The following RSPH1 variants were observed in gnomAD, a reference collection of about 807,000 sequenced individuals.
RSPH1 encodes the protein radial spoke head component 1, also known as radial spoke head 1 homolog.
A neutral mutation model predicts 44.2 loss-of-function variants in RSPH1; 32 were observed. The observed-to-expected ratio is 0.72, with a 90% confidence interval of 0.55 to 0.97. The LOEUF (loss-of-function observed/expected upper bound fraction) is 0.97. Among genes scored for constraint, RSPH1 ranks in the 50% least tolerant of loss-of-function variants. The probability of loss-of-function intolerance (pLI) is 0.00; values close to 1 mark genes in which losing one functional copy is unlikely to be tolerated. For synonymous variants in RSPH1, 134 were observed against 147.3 expected (o/e 0.91, Z 0.65); for missense variants, 391 against 398.7 (o/e 0.98, Z 0.16).
At chr21:42,486,776 G>A (rs959551114) in intron 3 of RSPH1, among the ~76,000 whole-genome samples, 1 of 152,166 alleles carries the variant, frequency 6.6e-6, no homozygotes, top group Non-Finnish European at 1.5e-5. Context: ...ACAGAGTGAG[G>A]TGTATGGATG....
intron 8 of RSPH1, 123 bp from the exon 9 acceptor site, chr21:42,472,993 A>G (rs2054008405): frequency 4.6e-6 from 3 of 658,614 alleles, no homozygotes; most frequent in Non-Finnish European, 7.6e-6. Flanking sequence ...TTCATCAGTC[A>G]AAAATTGAAT....
intron 6 of RSPH1, among the ~76,000 whole-genome samples, chr21:42,478,221 A>G (rs1043411716): frequency 3.9e-5 from 6 of 152,274 alleles, no homozygotes; most frequent in African/African-American, 1.4e-4. Flanking sequence ...CACTATGACT[A>G]TGGAACACTT....
chr21:42,485,888 G>C, intron 4 of RSPH1, 84 bp from the exon 5 acceptor site: 1 of 1,551,808 alleles, frequency 6.4e-7, no homozygotes, highest in Non-Finnish European at 8.9e-7. Context: ...TTGACATTGA[G>C]GGAGGCCCAG....
At chr21:42,489,427 GC>G (rs1457096453) in intron 3 of RSPH1, among the ~76,000 whole-genome samples, 4 of 152,218 alleles carry the variant, frequency 2.6e-5, no homozygotes, top group African/African-American at 9.7e-5. Context: ...GGGTCAGTTG[GC>G]TGGTGTGGAG....
chr21:42,489,301 C>T (rs1458582844), intron 3 of RSPH1, among the ~76,000 whole-genome samples: 2 of 147,798 alleles, frequency 1.4e-5, no homozygotes, highest in Admixed American at 6.7e-5. Flanking sequence ...GGCTGGTTGG[C>T]TAATTGGTTG....
At chr21:42,485,955 C>T (rs1309346906) in intron 4 of RSPH1, 151 bp from the exon 5 acceptor site, 3 of 975,456 alleles carry the variant, frequency 3.1e-6, no homozygotes, top group African/African-American at 3.2e-5. Flanking sequence ...TCAGAAGGTG[C>T]CCCTTGCTCA....
chr21:42,475,332 C>T (rs1209577205), intron 8 of RSPH1, among the ~76,000 whole-genome samples: 2 of 152,016 alleles, frequency 1.3e-5, no homozygotes, highest in East Asian at 1.9e-4. Context: ...TTTGGGAGGC[C>T]GAGGCGGGCC....
At position 42,477,357 on chromosome 21, in the gene RSPH1, T is replaced by C. The variant is rs369932767; in HGVS notation, c.661A>G (p.Thr221Ala). 3.1e-6 allele frequency: 5 copies of C among 1,608,838 alleles called. No homozygotes were observed. Among genetic ancestry groups the C allele is most frequent in the South Asian group, 2.2e-5 (2 of 90,900 alleles). ...GTCGGCTTTTTGGGGAGAGTTGGTG[T>C]CCACAGGGCCAATTCAGTGATTTGG... The part of the protein sequence containing the change: ...ATQITELALW[T>A]PTLPKKPTST... Residue 221 changes from threonine (T) to alanine (A), a missense_variant, in exon 7 of 9, where the codon ACA (threonine) becomes GCA (alanine). Coordinates refer to ENST00000291536, the MANE Select transcript of RSPH1 (RefSeq NM_080860.4).
intron 8 of RSPH1, among the ~76,000 whole-genome samples, chr21:42,473,976 C>T (rs970642432): frequency 4.6e-5 from 7 of 152,202 alleles, no homozygotes; most frequent in African/African-American, 1.7e-4. Context: ...CAGTCTCAGA[C>T]GCCCGCTGGT....
chr21:42,489,706 G>A (rs528030490), intron 3 of RSPH1, among the ~76,000 whole-genome samples: 96 of 152,268 alleles, frequency 6.3e-4, no homozygotes, highest in African/African-American at 2.0e-3. Flanking sequence ...ATGTGTAATC[G>A]CTGAAATATG....
At chr21:42,477,879 TTAG>T (rs541775446) in intron 6 of RSPH1, among the ~76,000 whole-genome samples, 14 of 152,238 alleles carry the variant, frequency 9.2e-5, no homozygotes, top group Admixed American at 3.9e-4. Flanking sequence ...TCTATTGAGC[TTAG>T]TAGAAACATA....
At chr21:42,492,903 T>A in intron 2 of RSPH1, 40 bp from the exon 3 acceptor site, 1 of 1,583,890 alleles carries the variant, frequency 6.3e-7, no homozygotes, top group Non-Finnish European at 8.7e-7. Context: ...CATTGCTGAA[T>A]GTAGCATTTG....
Position 42,474,401 on chromosome 21 carries a change from C to T in RSPH1, c.877+1497G>A, listed in dbSNP as rs1003894990. 2.0e-5 allele frequency among the ~76,000 whole-genome samples: 3 copies of T among 151,600 alleles called. No homozygotes were observed. Among genetic ancestry groups the T allele is most frequent in the South Asian group, 2.1e-4 (1 of 4,834 alleles). ...CACCTCTCCTGGGTACATGGTAACA[C>T]GTCCCTGTCACTGCAGGGAACTCAC... is the stretch of plus-strand genomic sequence containing the variant. On this transcript the variant is annotated intron_variant, in intron 8 of 8. Transcript: ENST00000291536. This position sits in a 1 kb window ranked among gnomAD's most constrained non-coding sequence, Gnocchi z 5.2.
chr21:42,492,630 G>A (rs2054247262), intron 3 of RSPH1, 128 bp downstream of exon 3: 1 of 637,176 alleles, frequency 1.6e-6, no homozygotes, highest in Non-Finnish European at 2.8e-6. Flanking sequence ...AACACGATCT[G>A]TGTTCGTTGA....
rs146309440 is a variant in RSPH1, at chr21:42,475,978, G to A, written c.797C>T (p.Pro266Leu). The A allele has an allele frequency of 5.1e-5, 83 of 1,613,106 alleles. No individual in the cohort carries two copies. The African/African-American group carries it at 1.0e-3, about 20-fold the overall frequency. The stretch of plus-strand genomic sequence containing the variant: ...GAGGACGTCTGCATCTTCATCTCCA[G>A]GCCTCATGTCCATCTCACCCTCGAA... ...EGFEGEMDMR[P>L]GDEDADVLRE... is the part of the protein sequence containing the mutation. Residue 266 changes from proline to leucine, a missense_variant, in exon 8 of 9, where the codon CCT becomes CTT. Physicochemically the swap from Pro to Leu is moderately conservative, Grantham distance 98 (BLOSUM62 -3). Coordinates refer to ENST00000291536, the MANE Select transcript of RSPH1 (RefSeq NM_080860.4).
At position 42,474,305 on chromosome 21, in the gene RSPH1, G is replaced by C. The variant is rs992314323; in HGVS notation, c.878-1435C>G. Among the ~76,000 whole-genome samples, 5 of 152,138 alleles carry C rather than the reference G, an allele frequency of 3.3e-5. No homozygotes were observed. The highest frequency in any genetic ancestry group is 9.7e-5 in the African/African-American group (4 of 41,424). On this transcript the variant is annotated intron_variant, in intron 8 of 8. Transcript: ENST00000291536. The surrounding 1 kb of genome is among the most constrained non-coding windows in gnomAD (Gnocchi z 5.2). ...CTCTCTGCCTGGAATTTCCTTCCTG[G>C]TTTCACCCATTCCTTGCCACCTCCC...
intron 3 of RSPH1, among the ~76,000 whole-genome samples, chr21:42,488,334 G>C (rs2054200452): frequency 6.6e-6 from 1 of 152,148 alleles, no homozygotes; most frequent in South Asian, 2.1e-4. Context: ...CAGGTTCTGT[G>C]GTGTAAATAC....
At chr21:42,493,955 T>C (rs1262540407) in intron 1 of RSPH1, among the ~76,000 whole-genome samples, 1 of 152,224 alleles carries the variant, frequency 6.6e-6, no homozygotes, top group African/African-American at 2.4e-5. Context: ...TCTCACTATA[T>C]TGCCCTGGCT....
intron 7 of RSPH1, among the ~76,000 whole-genome samples, chr21:42,476,310 TGAGA>T (rs1337123211): frequency 6.6e-6 from 1 of 151,990 alleles, no homozygotes; most frequent in Admixed American, 6.5e-5. Flanking sequence ...ATGAGACTCT[TGAGA>T]AAGAGAAGTC....
Sources: gnomAD v4.1 joint callset for allele counts (sites outside exome capture counted in the v4.1 genomes callset) on GRCh38, gnomAD v4.1.1 for gene constraint, Gnocchi (gnomAD v3.1) non-coding constraint, MANE v1.5 for transcripts, NCBI Gene and HGNC (gene_info 2026-07-23, HGNC 2026-07-21) for gene names.